Variants in WWOX observed in about 807,000 individuals in gnomAD.
The protein encoded by WWOX is WW domain-containing oxidoreductase.
WWOX carries 69 observed loss-of-function variants against 46.2 expected under a neutral mutation model. The observed-to-expected ratio is 1.49, with a 90% CI of 1.23 to 1.82. WWOX has a LOEUF of 1.82. Ranked by LOEUF, WWOX falls within the 40% of genes most tolerant of loss-of-function variation. The pLI, the probability that WWOX is intolerant of heterozygous loss-of-function variation, is 0.00. For missense variants in WWOX, 919 were observed against 542.6 expected (o/e 1.69, Z -6.89); for synonymous variants, 359 against 202.6 (o/e 1.77, Z -6.56).
At chr16:78,839,353 C>T (rs1289449565) in intron 8 of WWOX, among the ~76,000 whole-genome samples, 1 of 151,992 alleles carries the variant, frequency 6.6e-6, no homozygotes, top group African/African-American at 2.4e-5. Flanking sequence ...TGGTAATATC[C>T]AACCTTTTCA....
chr16:78,275,498 G>T (rs1192394410), intron 5 of WWOX, among the ~76,000 whole-genome samples: 1 of 152,258 alleles, frequency 6.6e-6, no homozygotes, highest in Non-Finnish European at 1.5e-5. Flanking sequence ...ATGTGCTGAG[G>T]ATCTCTTTGG....
At chr16:78,961,072 G>A (rs573275307) in intron 8 of WWOX, among the ~76,000 whole-genome samples, 2 of 152,212 alleles carry the variant, frequency 1.3e-5, no homozygotes, top group African/African-American at 4.8e-5. Context: ...AGGCCCTTGA[G>A]ACTCAGGTGT....
At chr16:78,169,002 A>T (rs1024459406) in intron 5 of WWOX, among the ~76,000 whole-genome samples, 1 of 152,208 alleles carries the variant, frequency 6.6e-6, no homozygotes, top group African/African-American at 2.4e-5. Flanking sequence ...TAAAAGGCCA[A>T]TCCATTTGGC....
intron 8 of WWOX, among the ~76,000 whole-genome samples, chr16:78,979,435 G>C (rs191400774): frequency 6.6e-6 from 1 of 152,142 alleles, no homozygotes; most frequent in Non-Finnish European, 1.5e-5. Context: ...GAATACGTAC[G>C]TGACAGGCTC....
chr16:78,861,316 C>T (rs1230506602), intron 8 of WWOX, among the ~76,000 whole-genome samples: 1 of 152,246 alleles, frequency 6.6e-6, no homozygotes, highest in African/African-American at 2.4e-5. Flanking sequence ...ATCCACCTAT[C>T]CACCTATTAA....
intron 8 of WWOX, among the ~76,000 whole-genome samples, chr16:79,097,527 A>C (rs560775980): frequency 6.6e-6 from 1 of 152,166 alleles, no homozygotes; most frequent in Non-Finnish European, 1.5e-5. Flanking sequence ...TATGCTCCAC[A>C]TGCTTTCTAA....
In WWOX at chr16:79,211,877, A is replaced by C. The variant is rs771366388; in HGVS notation, c.*81A>C. ...AAGTGCCAGGGCTGGGCCCCTTCCAAATGTCCCTCCAACACAGATCCGCAA... is the reference window on the plus strand; with the variant it reads ...AAGTGCCAGGGCTGGGCCCCTTCCACATGTCCCTCCAACACAGATCCGCAA... On this transcript the variant is annotated 3_prime_UTR_variant, in exon 9 of 9. Transcript: ENST00000566780. The C allele has an allele frequency of 3.8e-6, 6 of 1,589,308 alleles. No individual in the cohort carries two copies. Among genetic ancestry groups the C allele is most frequent in the Non-Finnish European group, 5.1e-6 (6 of 1,169,772 alleles).
At chr16:78,628,133 C>T (rs1455744274) in intron 8 of WWOX, among the ~76,000 whole-genome samples, 2 of 152,208 alleles carry the variant, frequency 1.3e-5, no homozygotes, top group Non-Finnish European at 2.9e-5. Context: ...CACCGAGGAT[C>T]TGCTTCCTTT....
intron 8 of WWOX, chr16:78,552,296 A>G (rs1315967406): frequency 6.6e-6 from 1 of 152,196 alleles, no homozygotes; most frequent in Non-Finnish European, 1.5e-5. Flanking sequence ...ATCTGCTTCC[A>G]TACGGGGTGT....
At chr16:78,890,407 T>C (rs1403868145) in intron 8 of WWOX, 2 of 152,238 alleles carry the variant, frequency 1.3e-5, no homozygotes, top group East Asian at 3.8e-4. Flanking sequence ...CTCATGTTCT[T>C]AATGGACATC....
chr16:78,932,601 CA>C (rs1567658504), intron 8 of WWOX, among the ~76,000 whole-genome samples: 1 of 152,222 alleles, frequency 6.6e-6, no homozygotes, highest in African/African-American at 2.4e-5. Context: ...AGGTGCCGAC[CA>C]AGCGCTGGAA....
chr16:78,201,740 C>T (rs1035879892), intron 5 of WWOX, among the ~76,000 whole-genome samples: 2 of 151,804 alleles, frequency 1.3e-5, no homozygotes, highest in East Asian at 1.9e-4. Flanking sequence ...CACTTTGTCA[C>T]CAAGTCTGGA....
intron 8 of WWOX, among the ~76,000 whole-genome samples, chr16:78,617,176 C>G (rs2046046378): frequency 6.6e-6 from 1 of 152,114 alleles, no homozygotes; most frequent in Non-Finnish European, 1.5e-5. Flanking sequence ...CTTTGGGAGG[C>G]TGAGGCAGGT....
chr16:78,215,699 A>C (rs1016629819), intron 5 of WWOX, among the ~76,000 whole-genome samples: 1 of 152,116 alleles, frequency 6.6e-6, no homozygotes, highest in African/African-American at 2.4e-5. Context: ...AGGCCGAGGC[A>C]GATGGATCAC....
chr16:78,412,975 T>G (rs1202026622), intron 6 of WWOX, among the ~76,000 whole-genome samples: 1 of 152,220 alleles, frequency 6.6e-6, no homozygotes, highest in Non-Finnish European at 1.5e-5. Context: ...TCTGTTCTGA[T>G]TTTTCCTTAC....
At chr16:78,577,002 A>G (rs913891439) in intron 8 of WWOX, among the ~76,000 whole-genome samples, 2 of 152,296 alleles carry the variant, frequency 1.3e-5, no homozygotes, top group Middle Eastern at 3.4e-3. Context: ...TGCAGAACAA[A>G]TCACCCCAAA....
intron 8 of WWOX, chr16:78,896,506 C>G (rs748129490): frequency 1.6e-4 from 24 of 152,158 alleles, no homozygotes; most frequent in Non-Finnish European, 2.9e-4. Flanking sequence ...CCGTCTGAGG[C>G]TGATCATTAA....
intron 8 of WWOX, among the ~76,000 whole-genome samples, chr16:79,195,595 C>A (rs913479771): frequency 6.6e-6 from 1 of 152,198 alleles, no homozygotes; most frequent in Non-Finnish European, 1.5e-5. Context: ...CCATGCCTCT[C>A]TAACTTCAGG....
chr16:78,431,254 T>C (rs1197246784), intron 7 of WWOX, among the ~76,000 whole-genome samples: 2 of 152,246 alleles, frequency 1.3e-5, no homozygotes, highest in East Asian at 3.8e-4. Context: ...ATGGGTATAC[T>C]TAAAAACATT....
Sources: allele counts gnomAD v4.1 joint callset (sites outside exome capture counted in the v4.1 genomes callset), GRCh38; gene constraint gnomAD v4.1.1; transcripts MANE v1.5; gene names NCBI Gene and HGNC (gene_info 2026-07-23, HGNC 2026-07-21).